The following TTC17 variants were observed in gnomAD, a reference collection of about 807,000 sequenced individuals.
The protein encoded by TTC17 is tetratricopeptide repeat protein 17.
Under a neutral mutation model 143.8 loss-of-function variants are expected in TTC17, and 58 were observed. The observed-to-expected ratio is 0.40, with a 90% CI of 0.33 to 0.50. TTC17 has a LOEUF of 0.50. TTC17 is among the 20% of genes least tolerant of loss of function. TTC17 has a pLI of 0.49. For missense variants in TTC17, 1,273 were observed against 1,392.5 expected, an observed-to-expected ratio of 0.91 and a Z score of 1.37; for synonymous variants, 501 against 497.8, an observed-to-expected ratio of 1.01 and a Z score of -0.09.
intron 16 of TTC17, among the ~76,000 whole-genome samples, chr11:43,431,572 A>G (rs776136314): frequency 6.6e-6 from 1 of 152,234 alleles, no homozygotes; most frequent in Non-Finnish European, 1.5e-5. Flanking sequence ...TAAAAAGATT[A>G]CATTGGGATA....
In TTC17 at chr11:43,377,652, C is replaced by T. The variant is rs555619889; in HGVS notation, c.160-1581C>T. 7.2e-5 allele frequency among the ~76,000 whole-genome samples: 11 copies of T among 152,294 alleles called. No individual in the cohort carries two copies. In the Middle Eastern group the frequency reaches 0.01, roughly 141 times the overall value. ...TCTGCTAATAATTTTATCTTTATGC[C>T]TCCTCTGTATCTTTGCTGAACTAAA... On this transcript the variant is annotated intron_variant, in intron 1 of 23. Coordinates refer to ENST00000039989, the MANE Select transcript of TTC17 (RefSeq NM_018259.6).
At position 43,433,474 on chromosome 11, in the gene TTC17, C is replaced by T. The variant is rs146139982; in HGVS notation, c.2252-9851C>T. The stretch of plus-strand genomic sequence containing the variant: ...CTCCTCCCGATTCTTCTTCTCCTCT[C>T]CCTCTGAGAGATGTTGGCCCCAATT... On this transcript the variant is annotated intron_variant, in intron 16 of 23. Transcript: ENST00000039989. Among the ~76,000 whole-genome samples, 936 of 152,260 alleles carry T rather than the reference C, an allele frequency of 6.1e-3. 13 individuals carry two copies. Among genetic ancestry groups the T allele is most frequent in the African/African-American group, 0.021 (885 of 41,532 alleles).
chr11:43,400,042 C>G lies in TTC17; in HGVS notation c.1213C>G (p.Gln405Glu). The G allele has an allele frequency of 6.2e-7, 1 of 1,612,720 alleles. No individual in the cohort carries two copies. Among genetic ancestry groups the G allele is most frequent in the Non-Finnish European group, 8.5e-7 (1 of 1,179,450 alleles). Residue 405 changes from glutamine (Q) to glutamate (E), a missense_variant, in exon 9 of 24, where the codon CAA becomes GAA. Gln to Glu is a conservative substitution (Grantham distance 29). Coordinates refer to ENST00000039989, the MANE Select transcript of TTC17 (RefSeq NM_018259.6). ...TGAGACTCAGATGGCAAAAGAGGCA[C>G]AATTAGGTAAGTAGTGACTCCAAGT... is the stretch of plus-strand genomic sequence containing the variant. ...IHETQMAKEAQLGNHQICRLV... is the reference protein window; with the variant it reads ...IHETQMAKEAELGNHQICRLV...
At chr11:43,406,844 A>G (rs1858162304) in intron 13 of TTC17, among the ~76,000 whole-genome samples, 1 of 152,198 alleles carries the variant, frequency 6.6e-6, no homozygotes, top group Non-Finnish European at 1.5e-5. Flanking sequence ...TCTTTTGAAT[A>G]ATTTCTTCTT....
chr11:43,383,764 T>C (rs1857066039), intron 2 of TTC17, among the ~76,000 whole-genome samples: 1 of 152,070 alleles, frequency 6.6e-6, no homozygotes, highest in Non-Finnish European at 1.5e-5. Flanking sequence ...CATGTGATAG[T>C]GGTGTGGTGG....
intron 2 of TTC17, among the ~76,000 whole-genome samples, chr11:43,381,915 T>C (rs1419439984): frequency 1.3e-5 from 2 of 152,196 alleles, no homozygotes; most frequent in Admixed American, 1.3e-4. Context: ...GGGAGGAGTT[T>C]GGCTTTGAAA....
chr11:43,362,667 T>G (rs1304139548), intron 1 of TTC17, among the ~76,000 whole-genome samples: 1 of 152,196 alleles, frequency 6.6e-6, no homozygotes, highest in Non-Finnish European at 1.5e-5. Flanking sequence ...CTGAAGTGCA[T>G]GGTTACTCCC....
intron 20 of TTC17, among the ~76,000 whole-genome samples, chr11:43,450,913 C>T (rs923296572): frequency 6.6e-6 from 1 of 152,160 alleles, no homozygotes; most frequent in Admixed American, 6.5e-5. Flanking sequence ...CAAGATTACA[C>T]ATAGTTTATT....
At chr11:43,430,749 A>ACACACACACACACACACACACAC (rs71035631) in intron 16 of TTC17, among the ~76,000 whole-genome samples, 1 of 149,634 alleles carries the variant, frequency 6.7e-6, no homozygotes, top group Non-Finnish European at 1.5e-5. Flanking sequence ...ACACACACAC[A>ACACACACACACACACACACACAC]AAGTTGAAAT....
chr11:43,383,293 A>G (rs1857044251), intron 2 of TTC17, among the ~76,000 whole-genome samples: 1 of 152,080 alleles, frequency 6.6e-6, no homozygotes, highest in Non-Finnish European at 1.5e-5. Flanking sequence ...AAATCAACCA[A>G]TTGCAGTGTG....
At chr11:43,446,585 AAC>A (rs1947547605) in intron 18 of TTC17, 3 of 808,026 alleles carry the variant, frequency 3.7e-6, no homozygotes, top group Non-Finnish European at 4.5e-6. Flanking sequence ...TATTAATTTA[AAC>A]AGAGTTAATT....
chr11:43,437,428 GAAGA>G (rs1947317232), intron 16 of TTC17, among the ~76,000 whole-genome samples: 1 of 152,158 alleles, frequency 6.6e-6, no homozygotes, highest in South Asian at 2.1e-4. Context: ...GTCTGTATGT[GAAGA>G]AAGAGAATAC....
intron 16 of TTC17, among the ~76,000 whole-genome samples, chr11:43,434,962 G>A (rs1297559435): frequency 6.6e-6 from 1 of 152,172 alleles, no homozygotes. Context: ...GGCATTAGAA[G>A]TACTTCCTTA....
At chr11:43,366,611 C>T (rs4132524) in intron 1 of TTC17, among the ~76,000 whole-genome samples, 14,055 of 152,226 alleles carry the variant, frequency 0.092, 803 homozygotes, top group Middle Eastern at 0.16. Flanking sequence ...CCCTCCACCT[C>T]TATGCACTCT....
chr11:43,450,415 T>C (rs1353737310), intron 20 of TTC17, among the ~76,000 whole-genome samples, 174 bp downstream of exon 20: 1 of 152,246 alleles, frequency 6.6e-6, no homozygotes, highest in Admixed American at 6.5e-5. Context: ...GCCCTGGGAC[T>C]GAGCTTATTA....
intron 21 of TTC17, among the ~76,000 whole-genome samples, chr11:43,477,662 C>T (rs1948210082): frequency 6.6e-6 from 1 of 152,214 alleles, no homozygotes; most frequent in African/African-American, 2.4e-5. Flanking sequence ...CAATTACTTC[C>T]TCCTGGGTCC....
chr11:43,478,456 A>T (rs1191265383), intron 21 of TTC17, among the ~76,000 whole-genome samples: 1 of 152,206 alleles, frequency 6.6e-6, no homozygotes. Flanking sequence ...AGAGGCACAC[A>T]CTAAAGAATT....
rs1345909302 is a variant in TTC17 at position 43,381,528 on chromosome 11, AAAT to A, written c.249+2218_249+2220del. On this transcript the variant is annotated intron_variant, in intron 2 of 23. Coordinates refer to ENST00000039989, the MANE Select transcript of TTC17 (RefSeq NM_018259.6). The stretch of plus-strand genomic sequence containing the variant: ...TCTGCTCCTAGAAAGAGCCTGGCAA[AAAT>A]AATAATAATAACAACAACAAAAGAA... Among the ~76,000 whole-genome samples the A allele has an allele frequency of 3.3e-5, 5 of 152,162 alleles. No individual in the cohort carries two copies. In the East Asian group the frequency reaches 5.8e-4, roughly 18 times the overall value.
intron 1 of TTC17, among the ~76,000 whole-genome samples, chr11:43,372,101 A>C (rs1449615205): frequency 6.6e-6 from 1 of 152,136 alleles, no homozygotes; most frequent in East Asian, 1.9e-4. Flanking sequence ...AAAAATGTAT[A>C]TATTCACCCT....
Sources: allele counts gnomAD v4.1 joint callset (sites outside exome capture counted in the v4.1 genomes callset), GRCh38; gene constraint gnomAD v4.1.1; transcripts MANE v1.5; gene names NCBI Gene and HGNC (gene_info 2026-07-23, HGNC 2026-07-21).